The following MYH13 variants were observed in gnomAD, a reference collection of about 807,000 sequenced individuals.
MYH13 encodes the protein myosin-13.
Under a neutral mutation model 232.1 loss-of-function variants are expected in MYH13, and 177 were observed. That is an observed-to-expected ratio of 0.76 (90% CI 0.67 to 0.86). The LOEUF (loss-of-function observed/expected upper bound fraction) is 0.86. Ranked by LOEUF, MYH13 falls within the 40% of genes least tolerant of loss-of-function variation. MYH13 has a pLI of 0.00. For synonymous variants in MYH13, 884 were observed against 923.5 expected (o/e 0.96, Z 0.78); for missense variants, 2,246 against 2,405.9 (o/e 0.93, Z 1.39).
At chr17:10,314,398 A>G (rs1367335972) in intron 29 of MYH13, among the ~76,000 whole-genome samples, 1 of 151,582 alleles carries the variant, frequency 6.6e-6, no homozygotes, top group Non-Finnish European at 1.5e-5. Flanking sequence ...CTGGGCAACA[A>G]GAGTGAAACT....
intron 13 of MYH13, among the ~76,000 whole-genome samples, 172 bp from the exon 14 acceptor site, chr17:10,345,788 T>A (rs200011607): frequency 1.3e-5 from 2 of 149,910 alleles, no homozygotes; most frequent in Admixed American, 6.6e-5. Flanking sequence ...AGGTCAGGAG[T>A]TCAAGACCAT....
chr17:10,308,655 A>AT (rs960451158), intron 35 of MYH13, among the ~76,000 whole-genome samples: 22 of 151,876 alleles, frequency 1.4e-4, no homozygotes, highest in African/African-American at 4.4e-4. Context: ...TGTTTTTTCT[A>AT]TTTTTTTAAA....
intron 11 of MYH13, 140 bp downstream of exon 11, chr17:10,354,540 G>C: frequency 2.6e-6 from 2 of 761,308 alleles, no homozygotes; most frequent in Non-Finnish European, 4.2e-6. Context: ...CTAATTCTCT[G>C]AGCTCTTGAT....
At chr17:10,305,657 C>T (rs141853534) in intron 37 of MYH13, among the ~76,000 whole-genome samples, 49 of 152,224 alleles carry the variant, frequency 3.2e-4, no homozygotes, top group African/African-American at 8.7e-4. Context: ...CAGCCTCCTC[C>T]GCAGAGCCCT....
chr17:10,355,268 A>G lies in MYH13; in HGVS notation c.739-121T>C, dbSNP rs185619143. On this transcript the variant is annotated intron_variant, in intron 8 of 40. Transcript: ENST00000252172. ...GCAAAAATGCTAGAGAACAGAACTG[A>G]AGGCCTGCTTTGGTGAACCTTCTGG... is the stretch of plus-strand genomic sequence containing the variant. 1.4e-3 allele frequency: 1,530 copies of G among 1,085,944 alleles called. 7 individuals are homozygous for G. Among genetic ancestry groups the G allele is most frequent in the Non-Finnish European group, 1.8e-3 (1,365 of 740,654 alleles). The allele number at this position is 1,085,944 out of a possible 1,614,324, so 67.3% of individuals were successfully genotyped here.
intron 29 of MYH13, among the ~76,000 whole-genome samples, chr17:10,314,250 T>C (rs1906623838): frequency 6.6e-6 from 1 of 151,982 alleles, no homozygotes; most frequent in African/African-American, 2.4e-5. Context: ...AGAAACCCTG[T>C]CACTACTAAA....
chr17:10,355,660 C>A (rs1325513959), intron 8 of MYH13, among the ~76,000 whole-genome samples: 2 of 152,102 alleles, frequency 1.3e-5, no homozygotes, highest in African/African-American at 4.8e-5. Flanking sequence ...AAGCACCTGT[C>A]CCTGTTCCCA....
At chr17:10,307,162 G>A (rs1906323639) in intron 35 of MYH13, 98 bp from the exon 36 acceptor site, 10 of 1,458,106 alleles carry the variant, frequency 6.9e-6, no homozygotes, top group Non-Finnish European at 8.3e-6. Context: ...TTGTGATCCT[G>A]TTCCATTTCT....
chr17:10,311,067 T>C, intron 33 of MYH13, 36 bp downstream of exon 33: 1 of 1,612,224 alleles, frequency 6.2e-7, no homozygotes, highest in Non-Finnish European at 8.5e-7. Context: ...TTCCCTGTCC[T>C]CCTGAATTTC....
In MYH13 at chr17:10,337,106, G is replaced by A. The variant is rs138556837; in HGVS notation, c.2056+3044C>T. On this transcript the variant is annotated intron_variant, in intron 18 of 40. Coordinates refer to ENST00000252172, the MANE Select transcript of MYH13 (RefSeq NM_003802.3). ...ATTTTTGTATTTTTAGTTGAGACAG[G>A]GTTTCGCCATGTTAGGCTGGTCTCA... Among the ~76,000 whole-genome samples, 385 of 152,056 alleles carry A rather than the reference G, an allele frequency of 2.5e-3. 3 individuals carry two copies. The highest frequency in any genetic ancestry group is 9.0e-3 in the African/African-American group (375 of 41,482).
chr17:10,318,354 T>C (rs985415221), intron 27 of MYH13, among the ~76,000 whole-genome samples: 2 of 152,078 alleles, frequency 1.3e-5, no homozygotes, highest in Non-Finnish European at 2.9e-5. Flanking sequence ...GTGGGGCTTT[T>C]GGGAGGTGAT....
chr17:10,346,585 T>C (rs2071667918), intron 13 of MYH13, 95 bp downstream of exon 13: 2 of 924,566 alleles, frequency 2.2e-6, no homozygotes, highest in African/African-American at 1.7e-5. Context: ...GCTGATTTCA[T>C]GTGCATTTCT....
chr17:10,364,649 G>T, intron 2 of MYH13, 107 bp from the exon 3 acceptor site: 1 of 968,122 alleles, frequency 1.0e-6, no homozygotes, highest in Non-Finnish European at 1.6e-6. Flanking sequence ...AAGGCTCCTA[G>T]ATTGAACATA....
chr17:10,321,972 C>T (rs1201478607), intron 23 of MYH13, among the ~76,000 whole-genome samples: 1 of 152,158 alleles, frequency 6.6e-6, no homozygotes, highest in Non-Finnish European at 1.5e-5. Context: ...TGCAAATGTG[C>T]TACCTCTGAA....
intron 12 of MYH13, among the ~76,000 whole-genome samples, chr17:10,347,734 T>C (rs113505456): frequency 6.7e-6 from 1 of 148,636 alleles, no homozygotes. Context: ...TTTTTTTTTT[T>C]TGGAGACAGA....
chr17:10,341,331 C>G (rs1031910147), intron 16 of MYH13: 16 of 152,100 alleles, frequency 1.1e-4, no homozygotes, highest in Non-Finnish European at 1.8e-4. Flanking sequence ...GGATTACAGG[C>G]GTGAGCCACC....
intron 9 of MYH13, 30 bp from the exon 10 acceptor site, chr17:10,355,023 G>C (rs1316275993): frequency 1.9e-6 from 3 of 1,609,572 alleles, no homozygotes; most frequent in South Asian, 2.2e-5. Context: ...GTGATTTCAG[G>C]CTCCCAAGAG....
chr17:10,321,824 A>G (rs891324101), intron 23 of MYH13, 116 bp from the exon 24 acceptor site: 6 of 883,120 alleles, frequency 6.8e-6, no homozygotes, highest in Non-Finnish European at 1.0e-5. Context: ...TTTGGCTACT[A>G]CTTTTTTACC....
chr17:10,354,793 A>G lies in MYH13; in HGVS notation c.902-10T>C, dbSNP rs2071735920. ...GAGATCAGAAGCAGGTCTGTGAAAC[A>G]CAGATATCCCTTTAATGGCTTATGC... On this transcript the variant is annotated splice_polypyrimidine_tract_variant and intron_variant, in intron 10 of 40. Coordinates refer to ENST00000252172, the MANE Select transcript of MYH13 (RefSeq NM_003802.3). 1.9e-6 allele frequency: 3 copies of G among 1,612,622 alleles called. No individual in the cohort carries two copies. The Admixed American group carries it at 5.0e-5, about 27-fold the overall frequency.
Sources: allele counts gnomAD v4.1 joint callset (sites outside exome capture counted in the v4.1 genomes callset), GRCh38; gene constraint gnomAD v4.1.1; transcripts MANE v1.5; gene names NCBI Gene and HGNC (gene_info 2026-07-23, HGNC 2026-07-21).